Variants in DACH2 observed in about 807,000 individuals in gnomAD.
DACH2 encodes dachshund family transcription factor 2.
DACH2 carries 17 observed loss-of-function variants against 35.8 expected under a neutral mutation model. The observed-to-expected ratio is 0.48, with a 90% confidence interval of 0.33 to 0.71. The LOEUF (loss-of-function observed/expected upper bound fraction) is 0.71, where lower values mean the gene tolerates loss of function less well. DACH2 is among the 30% of genes least tolerant of loss of function. DACH2 has a pLI of 0.02. For synonymous variants in DACH2, 195 were observed against 177.3 expected, an observed-to-expected ratio of 1.10 and a Z score of -0.79; for missense variants, 469 against 472.7, an observed-to-expected ratio of 0.99 and a Z score of 0.07.
At chrX:86,581,083 T>G (rs1676397914) in intron 3 of DACH2, among the ~76,000 whole-genome samples, 1 of 111,597 alleles carries the variant, frequency 9.0e-6, no homozygotes, top group African/African-American at 3.3e-5. Flanking sequence ...GGGCTTATAT[T>G]CAACATTCTT....
At chrX:86,632,978 CA>C (rs538023418) in intron 3 of DACH2, among the ~76,000 whole-genome samples, 104 of 105,214 alleles carry the variant, frequency 9.9e-4, no homozygotes, top group African/African-American at 2.1e-3. Flanking sequence ...ATTCCTACAT[CA>C]AAAAAAAAAT....
In DACH2 at chrX:86,589,212, A is replaced by T. The variant is rs1008696449; in HGVS notation, c.641-61824A>T. ...AACTATTGATCTATTGATCTTATTT[A>T]TTGTTTTGAAGAACCAACTTTTGGT... is the stretch of plus-strand genomic sequence containing the variant. On this transcript the variant is annotated intron_variant, in intron 3 of 11. Transcript: ENST00000373125. Among the ~76,000 whole-genome samples the T allele has an allele frequency of 2.2e-4, 24 of 110,656 alleles. 1 individual carries two copies.
chrX:86,811,000 T>TA (rs966167525), intron 7 of DACH2, among the ~76,000 whole-genome samples: 1 of 112,122 alleles, frequency 8.9e-6, no homozygotes, highest in African/African-American at 3.2e-5. Flanking sequence ...AAAGCTTTAC[T>TA]AAAAAATAAT....
chrX:86,211,937 C>T (rs1304310086), intron 1 of DACH2, among the ~76,000 whole-genome samples: 1 of 111,420 alleles, frequency 9.0e-6, no homozygotes, highest in African/African-American at 3.3e-5. Context: ...TGAACCAGTT[C>T]ATTTTATAGA....
At chrX:86,529,963 ACACACACACACACG>A (rs1266353223) in intron 3 of DACH2, among the ~76,000 whole-genome samples, 4 of 49,783 alleles carry the variant, frequency 8.0e-5, no homozygotes, top group Non-Finnish European at 1.6e-4. Context: ...ACACACACAC[ACACACACACACACG>A]CACACACACA....
intron 3 of DACH2, among the ~76,000 whole-genome samples, chrX:86,549,646 G>A (rs1281124666): frequency 9.1e-6 from 1 of 109,395 alleles, no homozygotes; most frequent in Non-Finnish European, 1.9e-5. Flanking sequence ...TTGAAGTTCT[G>A]AAGACTTTTT....
chrX:86,506,259 A>C (rs1398991833), intron 2 of DACH2, among the ~76,000 whole-genome samples: 1 of 111,682 alleles, frequency 9.0e-6, no homozygotes, highest in Non-Finnish European at 1.9e-5. Flanking sequence ...TGTAGGGCTT[A>C]TGTTGCTGTT....
At chrX:86,399,558 C>T (rs776324415) in intron 2 of DACH2, among the ~76,000 whole-genome samples, 7 of 111,874 alleles carry the variant, frequency 6.3e-5, no homozygotes, top group East Asian at 2.8e-4. Flanking sequence ...CCTTCAGGAG[C>T]TCTTTTAGGG....
intron 1 of DACH2, among the ~76,000 whole-genome samples, chrX:86,272,561 T>C (rs939329998): frequency 3.6e-5 from 4 of 111,504 alleles, no homozygotes; most frequent in African/African-American, 1.3e-4. Flanking sequence ...TTGGAGTAGA[T>C]TGGACACCTG....
At chrX:86,634,638 T>A (rs1189263168) in intron 3 of DACH2, among the ~76,000 whole-genome samples, 3 of 111,494 alleles carry the variant, frequency 2.7e-5, no homozygotes, top group Non-Finnish European at 3.8e-5. Flanking sequence ...ATCAGTGGCA[T>A]TTGTGTACAC....
At chrX:86,717,876 A>G (rs1052678321) in intron 6 of DACH2, among the ~76,000 whole-genome samples, 1 of 107,640 alleles carries the variant, frequency 9.3e-6, no homozygotes, top group East Asian at 2.8e-4. Context: ...ATGTATATAT[A>G]TATCTTGCAG....
At chrX:86,795,454 C>T (rs928898782) in intron 7 of DACH2, among the ~76,000 whole-genome samples, 3 of 109,170 alleles carry the variant, frequency 2.7e-5, no homozygotes, top group African/African-American at 1.0e-4. Flanking sequence ...AGGATGGTGT[C>T]GATCTCCTGA....
At chrX:86,598,834 A>G (rs1442000178) in intron 3 of DACH2, among the ~76,000 whole-genome samples, 1 of 106,012 alleles carries the variant, frequency 9.4e-6, no homozygotes, top group South Asian at 4.2e-4. Flanking sequence ...TTTACGTTCT[A>G]GGGTACATGT....
chrX:86,777,962 C>A (rs2042052796), intron 7 of DACH2, among the ~76,000 whole-genome samples: 1 of 111,179 alleles, frequency 9.0e-6, no homozygotes, highest in Non-Finnish European at 1.9e-5. Flanking sequence ...ATTTGAGTAA[C>A]CTTTAATTTA....
At chrX:86,294,153 T>G (rs1307578847) in intron 1 of DACH2, among the ~76,000 whole-genome samples, 1 of 111,478 alleles carries the variant, frequency 9.0e-6, no homozygotes. Context: ...AAACTTCCCT[T>G]CTCACTTCAT....
At chrX:86,497,280 G>A (rs1276073085) in intron 2 of DACH2, among the ~76,000 whole-genome samples, 2 of 111,576 alleles carry the variant, frequency 1.8e-5, no homozygotes, top group Non-Finnish European at 3.8e-5. Flanking sequence ...CTCTGGGGAT[G>A]AGGCCTTACA....
At position 86,148,747 on chromosome X, in the gene DACH2, A is replaced by G. The variant is rs767334455; in HGVS notation, c.127A>G (p.Ile43Val). Reference sequence around the variant, plus strand: ...GCCCCCTCGTCTTACTCCTAATATGATCAATAGTTTCGTGGTTAATAACCA... The same window carrying G: ...GCCCCCTCGTCTTACTCCTAATATGGTCAATAGTTTCGTGGTTAATAACCA... Reference protein sequence around the residue: ...REPPRLTPNMINSFVVNNHSN... With the variant: ...REPPRLTPNMVNSFVVNNHSN... Residue 43 changes from isoleucine to valine, a missense_variant, in exon 1 of 12, where the codon ATC becomes GTC. By Grantham distance (29) the Ile-to-Val change is conservative (BLOSUM62 3). This residue lies in a region of DACH2 where 99 missense variants were observed against 114.3 expected (regional missense o/e 0.87). Coordinates refer to ENST00000373125, the MANE Select transcript of DACH2 (RefSeq NM_053281.3). 2 of 1,208,561 alleles carry G rather than the reference A, an allele frequency of 1.7e-6. No homozygotes were observed. The highest frequency in any genetic ancestry group is 3.5e-5 in the South Asian group (2 of 56,670).
At chrX:86,551,554 T>C (rs2039049103) in intron 3 of DACH2, among the ~76,000 whole-genome samples, 1 of 112,001 alleles carries the variant, frequency 8.9e-6, no homozygotes, top group Non-Finnish European at 1.9e-5. Context: ...CAGGGAGAGT[T>C]TCTGTTGACA....
At chrX:86,502,265 G>T (rs1469384453) in intron 2 of DACH2, among the ~76,000 whole-genome samples, 2 of 111,393 alleles carry the variant, frequency 1.8e-5, no homozygotes, top group Non-Finnish European at 3.8e-5. Context: ...TTGATAAAAT[G>T]CCTAAAACGA....
Sources: allele counts gnomAD v4.1 joint callset (sites outside exome capture counted in the v4.1 genomes callset), GRCh38; gene constraint gnomAD v4.1.1; regional missense constraint gnomAD v4.1.1; transcripts MANE v1.5; gene names NCBI Gene and HGNC (gene_info 2026-07-23, HGNC 2026-07-21).